SMOC1: variants seen among roughly 807,000 people sequenced by gnomAD.
SMOC1 encodes the protein SPARC-related modular calcium-binding protein 1.
In SMOC1, 22 loss-of-function variants were observed where a neutral mutation model predicts 56.3. The ratio of observed to expected loss-of-function variants is 0.39; its 90% CI spans 0.28 to 0.56. SMOC1 has a LOEUF of 0.56. Ranked by LOEUF, SMOC1 falls within the 20% of genes least tolerant of loss-of-function variation. SMOC1 has a pLI of 0.61. For synonymous variants in SMOC1, 193 were observed against 215.0 expected, an observed-to-expected ratio of 0.90 and a Z score of 0.89; for missense variants, 509 against 565.4, an observed-to-expected ratio of 0.90 and a Z score of 1.01.
intron 1 of SMOC1, among the ~76,000 whole-genome samples, chr14:69,911,218 T>G (rs1884548000): frequency 6.6e-6 from 1 of 152,018 alleles, no homozygotes; most frequent in Non-Finnish European, 1.5e-5. Context: ...TGTGTTAGAT[T>G]TTGGAGGGAT....
At chr14:69,909,228 T>A (rs1884491788) in intron 1 of SMOC1, among the ~76,000 whole-genome samples, 1 of 152,242 alleles carries the variant, frequency 6.6e-6, no homozygotes, top group Admixed American at 6.5e-5. Flanking sequence ...CATATCATCA[T>A]AAATATGTGA....
At chr14:69,948,794 A>G (rs1432615434) in intron 1 of SMOC1, among the ~76,000 whole-genome samples, 1 of 152,172 alleles carries the variant, frequency 6.6e-6, no homozygotes, top group African/African-American at 2.4e-5. Context: ...ACACCACCCT[A>G]TGAGGCAAGG....
At chr14:69,949,147 T>G (rs1882902365) in intron 1 of SMOC1, among the ~76,000 whole-genome samples, 1 of 151,946 alleles carries the variant, frequency 6.6e-6, no homozygotes, top group Non-Finnish European at 1.5e-5. Context: ...TGTTCTGAGG[T>G]GGAGTAAAGA....
chr14:70,028,620 C>A (rs1418731112), intron 11 of SMOC1, among the ~76,000 whole-genome samples: 1 of 152,208 alleles, frequency 6.6e-6, no homozygotes, highest in African/African-American at 2.4e-5. Context: ...CACATCTCAG[C>A]CTGGTGGGCA....
intron 8 of SMOC1, among the ~76,000 whole-genome samples, chr14:70,011,201 C>T (rs1885322825): frequency 6.6e-6 from 1 of 152,190 alleles, no homozygotes; most frequent in South Asian, 2.1e-4. Flanking sequence ...GATTATTGCC[C>T]TTTCTAAGCC....
intron 7 of SMOC1, among the ~76,000 whole-genome samples, chr14:69,999,716 T>C (rs971148922): frequency 1.3e-5 from 2 of 152,206 alleles, no homozygotes; most frequent in Non-Finnish European, 2.9e-5. Context: ...AAAGGCCTTT[T>C]TCTTTCTTAA....
chr14:69,924,968 G>C (rs1414793634), intron 1 of SMOC1, among the ~76,000 whole-genome samples: 1 of 52,808 alleles, frequency 1.9e-5, no homozygotes, highest in Non-Finnish European at 4.1e-5. Flanking sequence ...GCTAGGGGAG[G>C]TAGAGGAGGA....
intron 1 of SMOC1, among the ~76,000 whole-genome samples, chr14:69,911,818 A>C (rs1404941623): frequency 1.3e-5 from 2 of 152,344 alleles, no homozygotes; most frequent in Admixed American, 6.5e-5. Flanking sequence ...GAAACATTAA[A>C]GTATAGGTTT....
intron 1 of SMOC1, among the ~76,000 whole-genome samples, chr14:69,923,795 G>A (rs1021345531): frequency 6.6e-5 from 10 of 152,178 alleles, no homozygotes; most frequent in East Asian, 1.9e-4. Flanking sequence ...CTGAGAGCAC[G>A]CCCTCAATCA....
intron 5 of SMOC1, among the ~76,000 whole-genome samples, chr14:69,989,248 A>G (rs1884478150): frequency 6.6e-6 from 1 of 152,200 alleles, no homozygotes; most frequent in Admixed American, 6.5e-5. Flanking sequence ...GTTTAGAAGT[A>G]TCTTGTTGTG....
At chr14:69,971,716 T>C (rs571878417) in intron 3 of SMOC1, among the ~76,000 whole-genome samples, 2 of 152,358 alleles carry the variant, frequency 1.3e-5, no homozygotes, top group African/African-American at 4.8e-5. Flanking sequence ...ATCTTGATCA[T>C]GTATATAGAA....
At chr14:70,022,234 T>A (rs751189804) in intron 10 of SMOC1, among the ~76,000 whole-genome samples, 1 of 152,236 alleles carries the variant, frequency 6.6e-6, no homozygotes, top group Admixed American at 6.5e-5. Flanking sequence ...ATAGTAGTTA[T>A]CACCCTGACT....
chr14:70,001,621 G>T (rs1884972572), intron 7 of SMOC1, among the ~76,000 whole-genome samples: 1 of 152,174 alleles, frequency 6.6e-6, no homozygotes, highest in Admixed American at 6.5e-5. Flanking sequence ...GAGTCCTGTT[G>T]AGGAGACGGG....
intron 10 of SMOC1, 30 bp from the exon 11 acceptor site, chr14:70,023,173 C>T: frequency 6.2e-7 from 1 of 1,613,822 alleles, no homozygotes; most frequent in Non-Finnish European, 8.5e-7. Context: ...TTGGTGTTCT[C>T]TGCGGTGGGG....
intron 2 of SMOC1, 82 bp from the exon 3 acceptor site, chr14:69,953,334 GTGGA>G: frequency 8.0e-7 from 1 of 1,248,988 alleles, no homozygotes; most frequent in Non-Finnish European, 1.2e-6. Context: ...TCCCGCACAG[GTGGA>G]GTGGTTTTCT....
At chr14:69,968,506 G>T (rs891475825) in intron 3 of SMOC1, among the ~76,000 whole-genome samples, 2 of 152,174 alleles carry the variant, frequency 1.3e-5, no homozygotes, top group Non-Finnish European at 2.9e-5. Flanking sequence ...AACCACAACT[G>T]CTCAGACATC....
chr14:69,966,027 A>G lies in SMOC1; in HGVS notation c.379-9688A>G, dbSNP rs146266284. Among the ~76,000 whole-genome samples, 137 of 152,254 alleles carry G rather than the reference A, an allele frequency of 9.0e-4. 1 individual carries two copies. The highest frequency in any genetic ancestry group is 2.9e-3 in the African/African-American group (122 of 41,550). On this transcript the variant is annotated intron_variant, in intron 3 of 11. Transcript: ENST00000361956. ...GGTGTGAAGACAGAAAAGTTTTATT[A>G]AAAGTGAAGTCAGACAGGAGAACAA...
intron 1 of SMOC1, among the ~76,000 whole-genome samples, chr14:69,881,564 C>T (rs751246441): frequency 8.5e-5 from 13 of 152,136 alleles, no homozygotes; most frequent in Non-Finnish European, 1.5e-4. Context: ...AGTGATGGAA[C>T]GTAAGCAGGA....
Position 70,023,450 on chromosome 14 carries a change from G to T in SMOC1, c.1291+3G>T. The T allele has an allele frequency of 1.9e-6, 3 of 1,613,860 alleles. No individual in the cohort carries two copies. Among genetic ancestry groups the T allele is most frequent in the Non-Finnish European group, 2.5e-6 (3 of 1,180,026 alleles). On this transcript the variant is annotated splice_donor_region_variant and intron_variant, in intron 11 of 11. Coordinates refer to ENST00000361956, the MANE Select transcript of SMOC1 (RefSeq NM_001034852.3). ...CTGCCTGGGTGTTAGCAAAGAAGGT[G>T]AGTGCTCTCCCCTGTGCTCCTGGCC...
Sources: allele counts gnomAD v4.1 joint callset (sites outside exome capture counted in the v4.1 genomes callset), GRCh38; gene constraint gnomAD v4.1.1; transcripts MANE v1.5; gene names NCBI Gene and HGNC (gene_info 2026-07-23, HGNC 2026-07-21).